Variants in KRT14 observed in about 807,000 individuals in gnomAD.
KRT14 encodes keratin, type I cytoskeletal 14.
KRT14 carries 30 observed loss-of-function variants against 44.5 expected under a neutral mutation model. That is an observed-to-expected ratio of 0.67 (90% CI 0.50 to 0.92). KRT14 has a LOEUF of 0.92. KRT14 is among the 40% of genes least tolerant of loss of function. KRT14 has a pLI of 0.00. For missense variants in KRT14, 535 were observed against 640.6 expected (o/e 0.84, Z 1.78); for synonymous variants, 241 against 257.6 (o/e 0.94, Z 0.62).
In KRT14 at chr17:41,586,890, T is replaced by C; in HGVS notation, c.-56A>G. The C allele has an allele frequency of 2.0e-6, 3 of 1,535,986 alleles. No individual in the cohort carries two copies. Among genetic ancestry groups the C allele is most frequent in the Non-Finnish European group, 2.6e-6 (3 of 1,144,146 alleles). On this transcript the variant is annotated 5_prime_UTR_variant, in exon 1 of 8. Transcript: ENST00000167586. ...AGTTGGCTGAGTGAAGAGAAGGTGCTCGGGTAAATTGGAAAGGGATGCGAG... is the reference window on the plus strand; with the variant it reads ...AGTTGGCTGAGTGAAGAGAAGGTGCCCGGGTAAATTGGAAAGGGATGCGAG...
In KRT14 at chr17:41,586,531, C is replaced by G. The variant is rs1907533972; in HGVS notation, c.304G>C (p.Gly102Arg). The G allele has an allele frequency of 6.2e-7, 1 of 1,613,960 alleles. No homozygotes were observed. The highest frequency in any genetic ancestry group is 1.7e-5 in the Admixed American group (1 of 60,018). ...LGAGLGGGFG[G>R]GFAGGDGLLV... ...AGCCCATCACCACCAGCAAAGCCAC[C>G]ACCAAAGCCACCACCCAAGCCAGCA... The change falls in exon 1 of 8, where the codon GGT becomes CGT. Residue 102 changes from glycine to arginine, a missense_variant. Physicochemically the swap from Gly to Arg is moderately radical, Grantham distance 125 (BLOSUM62 -2). Transcript: ENST00000167586.
At position 41,586,787 on chromosome 17, in the gene KRT14, G is replaced by T; in HGVS notation, c.48C>A (p.Gly16=). 1 of 1,591,220 alleles carries T rather than the reference G, an allele frequency of 6.3e-7. No individual in the cohort carries two copies. The highest frequency in any genetic ancestry group is 8.5e-7 in the Non-Finnish European group (1 of 1,170,800). ...CGATGCCGCCCCCGATGCCGCAGGA[G>T]CCCTTCATGGAGCTGGAGGAGGTGA... The part of the protein sequence containing the change: ...RQFTSSSSMK[G]SCGIGGGIGG... Residue 16 remains glycine, a synonymous_variant, in exon 1 of 8, where the codon GGC becomes GGA. Coordinates refer to ENST00000167586, the MANE Select transcript of KRT14 (RefSeq NM_000526.5).
rs748515595 is a variant in KRT14 at position 41,586,757 on chromosome 17, G to A, written c.78C>T (p.Gly26=). Residue 26 remains glycine, a synonymous_variant, in exon 1 of 8, where the codon GGC becomes GGT. Coordinates refer to ENST00000167586, the MANE Select transcript of KRT14 (RefSeq NM_000526.5). Reference sequence around the variant, plus strand: ...GGACGGAGGAGATGCGGCTGGAGCCGCCCCCGATGCCGCCCCCGATGCCGC... The same window carrying A: ...GGACGGAGGAGATGCGGCTGGAGCCACCCCCGATGCCGCCCCCGATGCCGC... ...GSCGIGGGIG[G]GSSRISSVLA... The A allele has an allele frequency of 3.2e-5, 50 of 1,580,022 alleles. No homozygotes were observed. In the East Asian group the frequency reaches 5.6e-4, roughly 18 times the overall value.
chr17:41,585,466 C>CACATT (rs1383789243), intron 1 of KRT14, among the ~76,000 whole-genome samples: 14 of 152,208 alleles, frequency 9.2e-5, no homozygotes, highest in Non-Finnish European at 2.9e-5. Flanking sequence ...TGCAGATATG[C>CACATT]ACATTCCTTT....
Position 41,584,347 on chromosome 17 carries a change from C to T in KRT14, c.675G>A (p.Leu225=), listed in dbSNP as rs1567737143. The change falls in exon 3 of 8, where the codon CTG becomes CTA. Residue 225 remains leucine (L), a synonymous_variant. Coordinates refer to ENST00000167586, the MANE Select transcript of KRT14 (RefSeq NM_000526.5). ...EADINGLRRV[L]DELTLARADL... is the part of the protein sequence containing the mutation. ...CAGCTCTGGCCAGGGTCAGTTCGTC[C>T]AGCACCCTGCGCAGGCCATTGATGT... 6.2e-7 allele frequency: 1 copy of T among 1,614,084 alleles called. No homozygotes were observed. Among genetic ancestry groups the T allele is most frequent in the Non-Finnish European group, 8.5e-7 (1 of 1,180,024 alleles).
chr17:41,582,892 T>TCTG, intron 7 of KRT14: 1 of 638,828 alleles, frequency 1.6e-6, no homozygotes, highest in East Asian at 2.7e-5. Context: ...AGACACCACG[T>TCTG]AGAAGCAAGA....
intron 1 of KRT14, among the ~76,000 whole-genome samples, chr17:41,585,412 G>A (rs1222226539): frequency 2.0e-5 from 3 of 152,172 alleles, no homozygotes; most frequent in Admixed American, 1.3e-4. Context: ...TCCTTCCTGA[G>A]CTGACCTCTC....
Position 41,586,640 on chromosome 17 carries a change from C to T in KRT14, c.195G>A (p.Leu65=). ...TGAAGCCACCGCCATAGCCGCCCCC[C>T]AGCCCGCAGGCTCCCCCAGAGGAGA... ...SRFSSGGACG[L]GGGYGGGFSS... The change falls in exon 1 of 8, where the codon CTG becomes CTA. Residue 65 remains leucine (L), a synonymous_variant. Transcript: ENST00000167586. 6.2e-7 allele frequency: 1 copy of T among 1,607,200 alleles called. No individual in the cohort carries two copies. The highest frequency in any genetic ancestry group is 1.3e-5 in the African/African-American group (1 of 74,876).
At chr17:41,583,703 C>G (rs370499292) in intron 4 of KRT14, 27 bp from the exon 5 acceptor site, 1 of 1,614,148 alleles carries the variant, frequency 6.2e-7, no homozygotes, top group African/African-American at 1.3e-5. Flanking sequence ...GCCATTCACA[C>G]CAGAAGGCCC....
rs147037354 is a variant in KRT14, at chr17:41,584,955, G to C, written c.608+20C>G. On this transcript the variant is annotated intron_variant, in intron 2 of 7. Transcript: ENST00000167586. Reference sequence around the variant, plus strand: ...TACTCTGGGGACACTGGATGTTCTGGCCCACCATTTCAAACTCACTTGGTG... The same window carrying C: ...TACTCTGGGGACACTGGATGTTCTGCCCCACCATTTCAAACTCACTTGGTG... 339 of 1,596,384 alleles carry C rather than the reference G, an allele frequency of 2.1e-4. No homozygotes were observed. In the African/African-American group the frequency reaches 2.9e-3, roughly 14 times the overall value.
chr17:41,584,466 G>A (rs1907460104), intron 2 of KRT14, 53 bp from the exon 3 acceptor site: 2 of 1,601,728 alleles, frequency 1.2e-6, no homozygotes, highest in African/African-American at 1.3e-5. Flanking sequence ...TCACAGCGAG[G>A]GCTTTGTTCT....
At chr17:41,582,836 G>A (rs1445224655) in intron 7 of KRT14, 1 of 604,830 alleles carries the variant, frequency 1.7e-6, no homozygotes, top group Non-Finnish European at 2.9e-6. Context: ...GAGCCCTGTA[G>A]GGCCCTGTTC....
At chr17:41,582,691 C>T (rs1316129093) in intron 7 of KRT14, 159 bp from the exon 8 acceptor site, 5 of 671,268 alleles carry the variant, frequency 7.4e-6, no homozygotes, top group Non-Finnish European at 1.4e-5. Context: ...GCACTGATAC[C>T]ATCAACACAT....
chr17:41,583,198 A>G (rs766313803), intron 6 of KRT14, 37 bp downstream of exon 6: 40 of 1,594,796 alleles, frequency 2.5e-5, no homozygotes, highest in Non-Finnish European at 3.3e-5. Context: ...TGAGAGTGCC[A>G]TGGGGGGGGC....
At position 41,585,101 on chromosome 17, in the gene KRT14, A is replaced by G. The variant is rs778295257; in HGVS notation, c.526-44T>C. 2.9e-6 allele frequency: 4 copies of G among 1,387,450 alleles called. No homozygotes were observed. The Admixed American group carries it at 6.7e-5, about 23-fold the overall frequency. The allele number at this position is 1,387,450 out of a possible 1,614,324, so 85.9% of individuals were successfully genotyped here. A position where few individuals can be genotyped will look rare whatever the true frequency, so the allele number is the denominator to read the frequency against. ...ACAGGTAATTTGTCAAATGGACTTC[A>G]CAAGCTGGACTTCACTGTAGCCTAC... On this transcript the variant is annotated intron_variant, in intron 1 of 7. Transcript: ENST00000167586.
At chr17:41,584,825 TG>T in intron 2 of KRT14, 149 bp downstream of exon 2, 1 of 710,636 alleles carries the variant, frequency 1.4e-6, no homozygotes. Context: ...ACTCCAAGGG[TG>T]GGGCCCAAGA....
chr17:41,582,483 A>T lies in KRT14; in HGVS notation c.1371T>A (p.Asp457Glu), dbSNP rs1907366927. 2 of 1,573,984 alleles carry T rather than the reference A, an allele frequency of 1.3e-6. No individual in the cohort carries two copies. Among genetic ancestry groups the T allele is most frequent in the South Asian group, 1.2e-5 (1 of 85,378 alleles). Reference sequence around the variant, plus strand: ...GCTCGTGGGTGGACACCACCTTGCCATCGTGCACATCCATGACCTTGGTGC... The same window carrying T: ...GCTCGTGGGTGGACACCACCTTGCCTTCGTGCACATCCATGACCTTGGTGC... Reference protein sequence around the residue: ...QIRTKVMDVHDGKVVSTHEQV... With the variant: ...QIRTKVMDVHEGKVVSTHEQV... The change falls in exon 8 of 8, where the codon GAT (aspartate) becomes GAA (glutamate). Residue 457 changes from aspartate (D) to glutamate (E), a missense_variant. Asp to Glu is a conservative substitution (Grantham distance 45, BLOSUM62 2). Coordinates refer to ENST00000167586, the MANE Select transcript of KRT14 (RefSeq NM_000526.5).
intron 7 of KRT14, 171 bp downstream of exon 7, chr17:41,582,923 G>C (rs182083758): frequency 4.2e-6 from 3 of 708,612 alleles, no homozygotes; most frequent in Non-Finnish European, 7.5e-6. Context: ...GCCTCTCCTA[G>C]CCCTAAGGAG....
rs1395891070 is a variant in KRT14, at chr17:41,584,992, C to T, written c.591G>A (p.Ala197=). ...AAACTCACTTGGTGCGGAAGTCATC[C>T]GCGGCCAGACGGGCATTGTCAATCT... ...LLQIDNARLA[A]DDFRTKYETE... Residue 197 remains alanine, a synonymous_variant, in exon 2 of 8, where the codon GCG becomes GCA. Transcript: ENST00000167586. 3 of 1,613,962 alleles carry T rather than the reference C, an allele frequency of 1.9e-6. No individual in the cohort carries two copies. The highest frequency in any genetic ancestry group is 1.3e-5 in the African/African-American group (1 of 75,020).
Sources: allele counts gnomAD v4.1 joint callset (sites outside exome capture counted in the v4.1 genomes callset), GRCh38; gene constraint gnomAD v4.1.1; transcripts MANE v1.5; gene names NCBI Gene and HGNC (gene_info 2026-07-23, HGNC 2026-07-21).